SLC35F4: variants seen among roughly 807,000 people sequenced by gnomAD.
SLC35F4 encodes chromosome 14 open reading frame 36.
Under a neutral mutation model 44.2 loss-of-function variants are expected in SLC35F4, and 24 were observed. The ratio of observed to expected loss-of-function variants is 0.54; its 90% CI spans 0.39 to 0.76. The LOEUF (loss-of-function observed/expected upper bound fraction) is 0.76. Among genes scored for constraint, SLC35F4 ranks in the 30% least tolerant of loss-of-function variants. The pLI is 0.00. For synonymous variants in SLC35F4, 238 were observed against 223.6 expected, an observed-to-expected ratio of 1.06 and a Z score of -0.57; for missense variants, 562 against 586.1, an observed-to-expected ratio of 0.96 and a Z score of 0.42.
intron 1 of SLC35F4, among the ~76,000 whole-genome samples, chr14:57,647,276 T>C (rs562917964): frequency 2.6e-4 from 40 of 152,174 alleles, no homozygotes; most frequent in African/African-American, 9.2e-4. Context: ...TGTAGGTCAC[T>C]AAGGACTTGC....
At chr14:57,950,303 C>T (rs143150589) in intron 1 of SLC35F4, among the ~76,000 whole-genome samples, 6 of 151,922 alleles carry the variant, frequency 3.9e-5, no homozygotes, top group African/African-American at 1.4e-4. Context: ...CTTTCTTCTA[C>T]TTGTTCTAGT....
downstream of SLC35F4, among the ~76,000 whole-genome samples, chr14:57,974,934 G>A (rs185644645): frequency 5.9e-5 from 9 of 152,226 alleles, no homozygotes; most frequent in East Asian, 3.9e-4. Flanking sequence ...ATGCCTCAGA[G>A]GCTGACTTTT....
At chr14:57,641,284 T>C (rs2073225317) in intron 1 of SLC35F4, among the ~76,000 whole-genome samples, 4 of 152,012 alleles carry the variant, frequency 2.6e-5, no homozygotes, top group Admixed American at 2.6e-4. Context: ...CAACATTGTC[T>C]CTCAGTTTCA....
intron 1 of SLC35F4, among the ~76,000 whole-genome samples, chr14:57,643,984 G>GT (rs2073370675): frequency 6.6e-6 from 1 of 152,036 alleles, no homozygotes; most frequent in African/African-American, 2.4e-5. Context: ...TCCATGGTGT[G>GT]TATGTGCCAC....
intron 1 of SLC35F4, among the ~76,000 whole-genome samples, chr14:57,875,669 A>C (rs772585242): frequency 4.6e-5 from 7 of 152,186 alleles, no homozygotes; most frequent in African/African-American, 1.7e-4. Context: ...GCAAAATTCC[A>C]AGAGTAAGAG....
intron 1 of SLC35F4, among the ~76,000 whole-genome samples, chr14:57,890,556 G>T (rs774948154): frequency 1.6e-5 from 2 of 125,044 alleles, no homozygotes; most frequent in Admixed American, 7.5e-5. Flanking sequence ...CCTCTCCACT[G>T]CATGGAGCTT....
chr14:57,878,237 T>C (rs1888444481), intron 1 of SLC35F4, among the ~76,000 whole-genome samples: 2 of 152,172 alleles, frequency 1.3e-5, no homozygotes. Flanking sequence ...AGTTTGCAAG[T>C]ATTTTCTCCC....
At chr14:57,956,572 AGGAACT>A (rs1890242129) in intron 1 of SLC35F4, among the ~76,000 whole-genome samples, 1 of 152,222 alleles carries the variant, frequency 6.6e-6, no homozygotes, top group African/African-American at 2.4e-5. Context: ...AGAATCTACA[AGGAACT>A]TAAACAAATT....
At chr14:57,682,839 A>G (rs76691611) in intron 1 of SLC35F4, among the ~76,000 whole-genome samples, 1 of 152,230 alleles carries the variant, frequency 6.6e-6, no homozygotes, top group East Asian at 1.9e-4. Context: ...GTCCTCATTT[A>G]TAATACTGGA....
chr14:57,819,174 A>C (rs1287268714), intron 1 of SLC35F4, among the ~76,000 whole-genome samples: 1 of 152,212 alleles, frequency 6.6e-6, no homozygotes, highest in Non-Finnish European at 1.5e-5. Flanking sequence ...AAGAAGATTG[A>C]CCAAGTTGTG....
At chr14:57,956,504 A>T (rs2141084583) in intron 1 of SLC35F4, among the ~76,000 whole-genome samples, 2 of 152,344 alleles carry the variant, frequency 1.3e-5, no homozygotes, top group Middle Eastern at 3.4e-3. Flanking sequence ...TGAACAGGCA[A>T]CCTACAGAAC....
At chr14:57,967,644 A>T (rs1001039793) in intron 1 of SLC35F4, among the ~76,000 whole-genome samples, 2 of 152,214 alleles carry the variant, frequency 1.3e-5, no homozygotes, top group Admixed American at 1.3e-4. Context: ...ATCATTTCTC[A>T]GCTAGGGCAA....
At chr14:57,936,730 G>T (rs938688475) in intron 1 of SLC35F4, among the ~76,000 whole-genome samples, 1 of 152,234 alleles carries the variant, frequency 6.6e-6, no homozygotes, top group African/African-American at 2.4e-5. Context: ...GTATTGGGAA[G>T]TCTTCTGGAC....
intron 1 of SLC35F4, among the ~76,000 whole-genome samples, chr14:57,644,932 G>C (rs900303100): frequency 2.0e-5 from 3 of 152,138 alleles, no homozygotes; most frequent in Non-Finnish European, 2.9e-5. Context: ...GATAGTTGTA[G>C]ATATGTGGCA....
rs535647909 is a variant in SLC35F4, at chr14:57,966,674, T to G, written n.282+15239A>C. On this transcript the variant is annotated intron_variant and non_coding_transcript_variant, in intron 1 of 1. Transcript: ENST00000556568. ...TTAAAGGGGAAAAGAGGCAGAAGTC[T>G]CAGAACAAATCTAAGATCAGATTGG... Among the ~76,000 whole-genome samples the G allele has an allele frequency of 3.9e-5, 6 of 152,282 alleles. No homozygotes were observed. The South Asian group carries it at 1.2e-3, about 32-fold the overall frequency.
At chr14:57,828,786 G>C (rs1310968770) in intron 1 of SLC35F4, among the ~76,000 whole-genome samples, 1 of 152,180 alleles carries the variant, frequency 6.6e-6, no homozygotes, top group African/African-American at 2.4e-5. Flanking sequence ...GGTCTGCCAT[G>C]GGGTGAAGGA....
At chr14:57,614,941 G>C (rs990175410) in intron 1 of SLC35F4, among the ~76,000 whole-genome samples, 1 of 152,194 alleles carries the variant, frequency 6.6e-6, no homozygotes, top group Non-Finnish European at 1.5e-5. Context: ...TAAAATAAGA[G>C]GGTGGGACCA....
intron 1 of SLC35F4, among the ~76,000 whole-genome samples, chr14:57,911,145 C>T (rs1302737190): frequency 6.6e-6 from 1 of 151,834 alleles, no homozygotes; most frequent in Non-Finnish European, 1.5e-5. Context: ...GCTATAATTG[C>T]TTATAAGTTC....
intron 1 of SLC35F4, among the ~76,000 whole-genome samples, chr14:57,821,123 C>A (rs1472439315): frequency 6.6e-6 from 1 of 152,176 alleles, no homozygotes; most frequent in Admixed American, 6.5e-5. Flanking sequence ...CTCCTTATAA[C>A]AAGCCAAAGG....
Sources: gnomAD v4.1 joint callset for allele counts (sites outside exome capture counted in the v4.1 genomes callset) on GRCh38, gnomAD v4.1.1 for gene constraint, MANE v1.5 for transcripts, NCBI Gene and HGNC (gene_info 2026-07-23, HGNC 2026-07-21) for gene names.